Variants in SLC38A4 observed in about 807,000 individuals in gnomAD.
The protein encoded by SLC38A4 is sodium-coupled neutral amino acid transporter 4.
Under a neutral mutation model 63.1 loss-of-function variants are expected in SLC38A4, and 20 were observed. The observed-to-expected ratio is 0.32, with a 90% CI of 0.22 to 0.46. SLC38A4 has a LOEUF of 0.46. Among genes scored for constraint, SLC38A4 ranks in the 20% least tolerant of loss-of-function variants. SLC38A4 has a pLI of 1.00. For synonymous variants in SLC38A4, 230 were observed against 225.5 expected, an observed-to-expected ratio of 1.02 and a Z score of -0.18; for missense variants, 526 against 663.6, an observed-to-expected ratio of 0.79 and a Z score of 2.28.
At chr12:46,809,017 C>A (rs73283960) in intron 1 of SLC38A4, among the ~76,000 whole-genome samples, 3 of 151,820 alleles carry the variant, frequency 2.0e-5, no homozygotes, top group African/African-American at 7.3e-5. Flanking sequence ...TATTAATTTC[C>A]ATGACTCTCT....
At chr12:46,775,018 G>A (rs897636211) in intron 14 of SLC38A4, 31 bp downstream of exon 14, 1 of 1,608,000 alleles carries the variant, frequency 6.2e-7, no homozygotes, top group Admixed American at 1.7e-5. Flanking sequence ...GGGTCAAGTA[G>A]GTTTCTTTCA....
chr12:46,800,183 G>A (rs750258426), intron 2 of SLC38A4, among the ~76,000 whole-genome samples: 1 of 151,996 alleles, frequency 6.6e-6, no homozygotes, highest in Non-Finnish European at 1.5e-5. Flanking sequence ...TCCTACTCAT[G>A]TCCAACGTAT....
chr12:46,808,239 G>A (rs1450634692), intron 1 of SLC38A4, among the ~76,000 whole-genome samples: 3 of 151,922 alleles, frequency 2.0e-5, no homozygotes, highest in African/African-American at 7.2e-5. Context: ...AGGCCCCTGG[G>A]AGAGGCTCTG....
At chr12:46,808,168 C>A (rs1460971928) in intron 1 of SLC38A4, among the ~76,000 whole-genome samples, 1 of 151,882 alleles carries the variant, frequency 6.6e-6, no homozygotes, top group East Asian at 1.9e-4. Flanking sequence ...TTTGATGATA[C>A]CTTCAAAAAA....
intron 1 of SLC38A4, among the ~76,000 whole-genome samples, chr12:46,815,978 A>G (rs375906127): frequency 2.6e-5 from 4 of 151,978 alleles, no homozygotes; most frequent in African/African-American, 9.6e-5. Flanking sequence ...TTAAAGAGAA[A>G]TGCTGACATG....
chr12:46,770,592 T>G (rs986040441), intron 14 of SLC38A4, among the ~76,000 whole-genome samples: 1 of 152,092 alleles, frequency 6.6e-6, no homozygotes, highest in South Asian at 2.1e-4. Flanking sequence ...CAAGAGAGCC[T>G]CAGTTTGCAG....
Position 46,778,347 on chromosome 12 carries a change from G to A in SLC38A4, c.1015C>T (p.Leu339=). The A allele has an allele frequency of 6.2e-7, 1 of 1,612,688 alleles. No individual in the cohort carries two copies. Among genetic ancestry groups the A allele is most frequent in the Non-Finnish European group, 8.5e-7 (1 of 1,179,194 alleles). The stretch of plus-strand genomic sequence containing the variant: ...GGGTGGCATACAAAAGCAAATACTA[G>A]GATAGGAATTGCATAGGCCGTCTGA... ...NSRTAYAIPI[L]VFAFVCHPEV... Residue 339 remains leucine, a synonymous_variant, in exon 12 of 17, where the codon CTA becomes TTA. Coordinates refer to ENST00000266579, the MANE Select transcript of SLC38A4 (RefSeq NM_018018.5).
intron 7 of SLC38A4, 50 bp downstream of exon 7, chr12:46,784,492 A>G (rs760045653): frequency 1.4e-6 from 2 of 1,422,998 alleles, no homozygotes; most frequent in African/African-American, 2.8e-5. Flanking sequence ...TTATTTATTG[A>G]ACACGCTATA....
At chr12:46,812,416 C>T (rs892947094) in intron 1 of SLC38A4, among the ~76,000 whole-genome samples, 1 of 151,832 alleles carries the variant, frequency 6.6e-6, no homozygotes. Flanking sequence ...CTTCTGACAC[C>T]CTATTGATCT....
At chr12:46,798,703 C>T (rs1939067868) in intron 2 of SLC38A4, among the ~76,000 whole-genome samples, 1 of 152,136 alleles carries the variant, frequency 6.6e-6, no homozygotes, top group Admixed American at 6.6e-5. Context: ...AAAGATATAT[C>T]AAACACTCAT....
rs186939414 is a variant in SLC38A4 at position 46,780,064 on chromosome 12, G to A, written c.494-34C>T. On this transcript the variant is annotated intron_variant, in intron 7 of 16. Transcript: ENST00000266579. ...GAAAATGTGACAGCTTAATGGTGTG[G>A]ACAGTACTGAAGTCACATGCAAGCA... The A allele has an allele frequency of 9.9e-6, 15 of 1,511,542 alleles. No individual in the cohort carries two copies. The East Asian group carries it at 2.9e-4, about 30-fold the overall frequency. 93.6% of individuals were successfully genotyped at this position (1,511,542 alleles called of 1,614,324 possible). A position where few individuals can be genotyped will look rare whatever the true frequency, so the allele number is the denominator to read the frequency against.
At position 46,774,558 on chromosome 12, in the gene SLC38A4, G is replaced by T. The variant is rs1441175316; in HGVS notation, c.1299+491C>A. ...CTGTTTTTTGAAAAATTTTTTTCTG[G>T]TATATAATTTACTTAACATGAATCC... On this transcript the variant is annotated intron_variant, in intron 14 of 16. Transcript: ENST00000266579. 2.0e-5 allele frequency among the ~76,000 whole-genome samples: 3 copies of T among 151,928 alleles called. No individual in the cohort carries two copies. In the East Asian group the frequency reaches 5.8e-4, roughly 29 times the overall value.
upstream of SLC38A4, among the ~76,000 whole-genome samples, chr12:46,830,372 G>T (rs909442390): frequency 5.9e-5 from 9 of 151,616 alleles, no homozygotes; most frequent in Admixed American, 2.0e-4. Context: ...CAATTTCAGC[G>T]ACTTTTTAGG....
chr12:46,789,304 C>T (rs563621193), intron 3 of SLC38A4, among the ~76,000 whole-genome samples: 178 of 151,504 alleles, frequency 1.2e-3, no homozygotes, highest in African/African-American at 4.1e-3. Context: ...TCTGTGTGTG[C>T]GTATGTGTTT....
At chr12:46,824,827 C>T (rs1317095347) in intron 1 of SLC38A4, among the ~76,000 whole-genome samples, 1 of 152,190 alleles carries the variant, frequency 6.6e-6, no homozygotes, top group Non-Finnish European at 1.5e-5. Context: ...AGTTCTGCAT[C>T]TTGACAGGCC....
chr12:46,827,652 C>T (rs947451378), upstream of SLC38A4, among the ~76,000 whole-genome samples: 4 of 151,850 alleles, frequency 2.6e-5, no homozygotes, highest in African/African-American at 7.3e-5. Flanking sequence ...AAGAGAAATC[C>T]CCTCCACCTC....
intron 2 of SLC38A4, among the ~76,000 whole-genome samples, chr12:46,795,721 T>C (rs1047509258): frequency 1.1e-4 from 17 of 152,176 alleles, no homozygotes; most frequent in Admixed American, 6.5e-4. Context: ...GAATTCTAGA[T>C]TCAGAAGCAT....
chr12:46,784,816 A>G (rs1592181472), intron 6 of SLC38A4, among the ~76,000 whole-genome samples, 182 bp from the exon 7 acceptor site: 1 of 152,140 alleles, frequency 6.6e-6, no homozygotes, highest in East Asian at 1.9e-4. Flanking sequence ...CCAAACAAGA[A>G]TCAATGGTTT....
intron 1 of SLC38A4, among the ~76,000 whole-genome samples, chr12:46,824,125 C>T (rs578071272): frequency 6.6e-6 from 1 of 152,252 alleles, no homozygotes; most frequent in South Asian, 2.1e-4. Context: ...TGCCACTGTC[C>T]CTCAGTTGGC....
Sources: allele counts gnomAD v4.1 joint callset (sites outside exome capture counted in the v4.1 genomes callset), GRCh38; gene constraint gnomAD v4.1.1; transcripts MANE v1.5; gene names NCBI Gene and HGNC (gene_info 2026-07-23, HGNC 2026-07-21).